MEI4: variants seen among roughly 807,000 people sequenced by gnomAD.
MEI4 encodes meiosis-specific protein MEI4.
Under a neutral mutation model 31.4 loss-of-function variants are expected in MEI4, and 27 were observed. The observed-to-expected ratio is 0.86, with a 90% CI of 0.63 to 1.19. The LOEUF is 1.19. MEI4 is among the 50% of genes most tolerant of loss of function. MEI4 has a pLI of 0.00. For synonymous variants in MEI4, 122 were observed against 145.4 expected (o/e 0.84, Z 1.16); for missense variants, 329 against 398.9 (o/e 0.82, Z 1.49).
intron 3 of MEI4, among the ~76,000 whole-genome samples, chr6:77,772,771 T>G (rs991660446): frequency 6.6e-6 from 1 of 152,010 alleles, no homozygotes; most frequent in Non-Finnish European, 1.5e-5. Flanking sequence ...ATTATTTTTG[T>G]TTGTAGATGA....
At chr6:77,809,796 G>T (rs1769530783) in intron 3 of MEI4, among the ~76,000 whole-genome samples, 1 of 151,986 alleles carries the variant, frequency 6.6e-6, no homozygotes, top group South Asian at 2.1e-4. Context: ...TATTGCATGT[G>T]AAGTTATCAG....
chr6:77,912,589 A>G (rs1766456766), intron 4 of MEI4, among the ~76,000 whole-genome samples: 1 of 151,950 alleles, frequency 6.6e-6, no homozygotes, highest in Admixed American at 6.6e-5. Flanking sequence ...AAATGGGATT[A>G]CCATCTTGAT....
At position 77,826,021 on chromosome 6, in the gene MEI4, C is replaced by CAGT. The variant is rs1769940434; in HGVS notation, c.769-2908_769-2906dup. ...GGAATATAAATTCCCTACCATTGAA[C>CAGT]AGTACCTCAACCTTATAAGAGGAGG... On this transcript the variant is annotated intron_variant, in intron 3 of 4. Transcript: ENST00000684080. 2.0e-5 allele frequency among the ~76,000 whole-genome samples: 3 copies of CAGT among 152,250 alleles called. No individual in the cohort carries two copies. The South Asian group carries it at 6.2e-4, about 32-fold the overall frequency.
At chr6:77,908,665 C>T (rs571795037) in intron 4 of MEI4, among the ~76,000 whole-genome samples, 39 of 151,594 alleles carry the variant, frequency 2.6e-4, no homozygotes, top group Admixed American at 5.3e-4. Context: ...TTTAAAGTAG[C>T]AAATGGAAAA....
At chr6:77,804,935 G>T (rs1769388059) in intron 3 of MEI4, among the ~76,000 whole-genome samples, 1 of 151,994 alleles carries the variant, frequency 6.6e-6, no homozygotes, top group East Asian at 1.9e-4. Context: ...TATTTTATGG[G>T]GCATTGGATT....
intron 4 of MEI4, among the ~76,000 whole-genome samples, chr6:77,855,805 T>G (rs768907136): frequency 1.3e-5 from 2 of 152,218 alleles, no homozygotes; most frequent in Non-Finnish European, 2.9e-5. Context: ...CTATGCATTC[T>G]TATCAACTAT....
At chr6:77,848,897 C>A (rs2127717453) in intron 4 of MEI4, among the ~76,000 whole-genome samples, 1 of 152,082 alleles carries the variant, frequency 6.6e-6, no homozygotes, top group African/African-American at 2.4e-5. Flanking sequence ...TGAGTTCTTA[C>A]TATGGGGGAA....
intron 3 of MEI4, among the ~76,000 whole-genome samples, chr6:77,797,602 T>C (rs1338775097): frequency 6.6e-6 from 1 of 152,102 alleles, no homozygotes; most frequent in Non-Finnish European, 1.5e-5. Context: ...GGCAAACCAC[T>C]GATGTAAATC....
intron 2 of MEI4, among the ~76,000 whole-genome samples, chr6:77,729,961 T>TA (rs139371933): frequency 9.2e-5 from 14 of 152,062 alleles, no homozygotes; most frequent in Admixed American, 2.6e-4. Flanking sequence ...CAACTCAGTC[T>TA]AAAGGTAACA....
intron 4 of MEI4, among the ~76,000 whole-genome samples, chr6:77,900,662 C>T (rs936144079): frequency 5.9e-5 from 9 of 151,676 alleles, no homozygotes; most frequent in Non-Finnish European, 1.2e-4. Flanking sequence ...TGGAGACTGA[C>T]GATAAAAGTC....
At chr6:77,716,380 G>C (rs192053110) in intron 2 of MEI4, among the ~76,000 whole-genome samples, 4 of 152,158 alleles carry the variant, frequency 2.6e-5, no homozygotes, top group Admixed American at 1.3e-4. Context: ...TATGGTTAGA[G>C]GAGTTATTCT....
chr6:77,852,906 G>A (rs570693094), intron 4 of MEI4, among the ~76,000 whole-genome samples: 4 of 152,174 alleles, frequency 2.6e-5, no homozygotes, highest in South Asian at 4.2e-4. Flanking sequence ...AAGCCAATAA[G>A]ACAGATTAGG....
intron 4 of MEI4, among the ~76,000 whole-genome samples, chr6:77,858,417 A>G (rs1168284189): frequency 1.3e-5 from 2 of 152,180 alleles, no homozygotes; most frequent in South Asian, 2.1e-4. Flanking sequence ...AGGATTATGC[A>G]TTAAATTATT....
intron 4 of MEI4, among the ~76,000 whole-genome samples, chr6:77,848,309 T>C (rs145027026): frequency 1.3e-5 from 2 of 152,134 alleles, no homozygotes; most frequent in Non-Finnish European, 2.9e-5. Context: ...TTCATTGCAA[T>C]TGACCAGGCC....
At chr6:77,802,984 C>T (rs1469912642) in intron 3 of MEI4, among the ~76,000 whole-genome samples, 4 of 152,042 alleles carry the variant, frequency 2.6e-5, no homozygotes. Flanking sequence ...ATCTTTGTGG[C>T]ATTCTCTGTA....
intron 3 of MEI4, among the ~76,000 whole-genome samples, chr6:77,802,590 T>C (rs1052997225): frequency 1.3e-5 from 2 of 152,188 alleles, no homozygotes; most frequent in African/African-American, 4.8e-5. Context: ...ACTTGGCTTG[T>C]TTTTGCAGTG....
chr6:77,658,533 G>A lies in MEI4; in HGVS notation c.-15+5441G>A, dbSNP rs1418690212. Among the ~76,000 whole-genome samples, 4 of 152,158 alleles carry A rather than the reference G, an allele frequency of 2.6e-5. No individual in the cohort carries two copies. The East Asian group carries it at 7.8e-4, about 30-fold the overall frequency. On this transcript the variant is annotated intron_variant, in intron 1 of 4. Coordinates refer to ENST00000684080, the MANE Select transcript of MEI4 (RefSeq NM_001322247.2). ...GTTGGGGCGGTGAAAATTTTTTGGG[G>A]GGTGGTATGGAGAGAGAGTGGGCGA...
At chr6:77,763,378 T>C (rs951181299) in intron 3 of MEI4, among the ~76,000 whole-genome samples, 3 of 152,126 alleles carry the variant, frequency 2.0e-5, no homozygotes, top group African/African-American at 7.2e-5. Flanking sequence ...CCAGGACTTG[T>C]GCAGAAATTG....
At chr6:77,805,423 T>C (rs1047493956) in intron 3 of MEI4, among the ~76,000 whole-genome samples, 2 of 152,162 alleles carry the variant, frequency 1.3e-5, no homozygotes, top group South Asian at 2.1e-4. Context: ...ATATAAAATG[T>C]ATATTTGAAA....
Sources: gnomAD v4.1 joint callset for allele counts (sites outside exome capture counted in the v4.1 genomes callset) on GRCh38, gnomAD v4.1.1 for gene constraint, MANE v1.5 for transcripts, NCBI Gene and HGNC (gene_info 2026-07-23, HGNC 2026-07-21) for gene names.